Variants in MIPOL1 observed in about 807,000 individuals in gnomAD.
MIPOL1 encodes the protein mirror-image polydactyly gene 1 protein.
A neutral mutation model predicts 60.9 loss-of-function variants in MIPOL1; 57 were observed. The observed-to-expected ratio is 0.94, with a 90% CI of 0.76 to 1.17. MIPOL1 has a LOEUF of 1.17. Ranked by LOEUF, MIPOL1 falls within the 50% of genes most tolerant of loss-of-function variation. The pLI, the probability that MIPOL1 is intolerant of heterozygous loss-of-function variation, is 0.00. For synonymous variants in MIPOL1, 179 were observed against 168.8 expected (o/e 1.06, Z -0.47); for missense variants, 551 against 511.6 (o/e 1.08, Z -0.74).
chr14:37,262,130 C>T (rs2082554831), intron 3 of MIPOL1, among the ~76,000 whole-genome samples: 2 of 151,796 alleles, frequency 1.3e-5, no homozygotes, highest in Admixed American at 6.6e-5. Flanking sequence ...AAAGCTAACC[C>T]TCTATTCCAC....
At chr14:37,490,715 C>A (rs2095035676) in intron 11 of MIPOL1, among the ~76,000 whole-genome samples, 1 of 152,124 alleles carries the variant, frequency 6.6e-6, no homozygotes, top group Non-Finnish European at 1.5e-5. Context: ...AATTTCCTGA[C>A]CCCTTAACAC....
chr14:37,309,614 A>G (rs752891627), intron 9 of MIPOL1, among the ~76,000 whole-genome samples: 1 of 151,430 alleles, frequency 6.6e-6, no homozygotes, highest in Non-Finnish European at 1.5e-5. Context: ...CTGAGTCTCA[A>G]TGTCAAGCTT....
rs144087839 is a variant in MIPOL1 at position 37,475,421 on chromosome 14, T to C, written c.1032-24487T>C. Among the ~76,000 whole-genome samples, 160 of 152,320 alleles carry C rather than the reference T, an allele frequency of 1.1e-3. 3 individuals are homozygous for C. The highest frequency in any genetic ancestry group is 3.6e-3 in the African/African-American group (151 of 41,590). The stretch of plus-strand genomic sequence containing the variant: ...TTTTGTAGCACAGAAATTTTTACTT[T>C]TAATGATGTCCAACTTACCTGTTTT... On this transcript the variant is annotated intron_variant, in intron 11 of 12. Transcript: ENST00000684589.
intron 9 of MIPOL1, among the ~76,000 whole-genome samples, chr14:37,358,470 C>T (rs2091998212): frequency 6.6e-6 from 1 of 152,160 alleles, no homozygotes; most frequent in South Asian, 2.1e-4. Context: ...AAAAGCGTTC[C>T]TATTTCTCCA....
intron 10 of MIPOL1, among the ~76,000 whole-genome samples, chr14:37,416,119 G>A (rs1011189961): frequency 5.3e-5 from 8 of 152,072 alleles, no homozygotes; most frequent in Non-Finnish European, 7.4e-5. Flanking sequence ...AGTCTTATAC[G>A]TCACACATCA....
At chr14:37,204,183 G>A (rs1044175252) in intron 1 of MIPOL1, among the ~76,000 whole-genome samples, 17 of 151,942 alleles carry the variant, frequency 1.1e-4, no homozygotes, top group African/African-American at 3.9e-4. Flanking sequence ...CTGACACTTC[G>A]ATTCCAGCCT....
intron 11 of MIPOL1, among the ~76,000 whole-genome samples, chr14:37,443,148 G>C (rs1298474473): frequency 6.6e-6 from 1 of 152,056 alleles, no homozygotes; most frequent in Non-Finnish European, 1.5e-5. Context: ...AGAATTGGGA[G>C]TCTAGAAATA....
intron 11 of MIPOL1, among the ~76,000 whole-genome samples, chr14:37,490,447 C>A (rs1003388670): frequency 6.6e-6 from 1 of 152,138 alleles, no homozygotes; most frequent in African/African-American, 2.4e-5. Flanking sequence ...GCCCCCTTTC[C>A]AGGGGAGTGA....
intron 9 of MIPOL1, among the ~76,000 whole-genome samples, chr14:37,313,095 A>G (rs1567417758): frequency 6.6e-6 from 1 of 152,068 alleles, no homozygotes. Flanking sequence ...TTCTCTTAAT[A>G]TCTAGCCATT....
At chr14:37,531,957 G>A (rs993199372) in intron 12 of MIPOL1, among the ~76,000 whole-genome samples, 2 of 152,030 alleles carry the variant, frequency 1.3e-5, no homozygotes, top group African/African-American at 2.4e-5. Flanking sequence ...CATGCCCGCC[G>A]TACATTACCC....
intron 6 of MIPOL1, among the ~76,000 whole-genome samples, chr14:37,272,751 A>T (rs1441283541): frequency 6.6e-6 from 1 of 151,652 alleles, no homozygotes; most frequent in South Asian, 2.1e-4. Flanking sequence ...TGAAATAAAA[A>T]GTGTATTTGG....
chr14:37,284,152 G>C (rs952931587), intron 6 of MIPOL1, among the ~76,000 whole-genome samples: 4 of 152,198 alleles, frequency 2.6e-5, no homozygotes, highest in African/African-American at 9.6e-5. Flanking sequence ...GATGCCATTT[G>C]TATTAAAATC....
chr14:37,540,783 C>G (rs2095526626), intron 12 of MIPOL1, among the ~76,000 whole-genome samples: 1 of 152,178 alleles, frequency 6.6e-6, no homozygotes, highest in South Asian at 2.1e-4. Context: ...TTACCAGTAG[C>G]CCACTAGACA....
chr14:37,470,848 G>T (rs969743771), intron 11 of MIPOL1, among the ~76,000 whole-genome samples: 1 of 152,084 alleles, frequency 6.6e-6, no homozygotes, highest in African/African-American at 2.4e-5. Context: ...AGGGAAAAAA[G>T]GCATTTCTAG....
At chr14:37,526,817 G>C (rs1284560002) in intron 12 of MIPOL1, among the ~76,000 whole-genome samples, 1 of 152,064 alleles carries the variant, frequency 6.6e-6, no homozygotes, top group Non-Finnish European at 1.5e-5. Flanking sequence ...TTCAAAAAAT[G>C]TGTGTTCTTT....
intron 11 of MIPOL1, among the ~76,000 whole-genome samples, chr14:37,481,209 G>A (rs900678218): frequency 2.6e-5 from 4 of 151,992 alleles, no homozygotes; most frequent in South Asian, 2.1e-4. Context: ...GAAATCCATA[G>A]CACTTCTATG....
At chr14:37,223,193 TG>T (rs1388860859) in intron 1 of MIPOL1, among the ~76,000 whole-genome samples, 1 of 151,208 alleles carries the variant, frequency 6.6e-6, no homozygotes, top group African/African-American at 2.4e-5. Context: ...CCACCACACC[TG>T]GCTGGTTTTT....
chr14:37,458,070 AG>A (rs1447805463), intron 11 of MIPOL1, among the ~76,000 whole-genome samples: 2 of 152,066 alleles, frequency 1.3e-5, no homozygotes, highest in African/African-American at 2.4e-5. Context: ...AATCAAAAAC[AG>A]TAAAAAAAAA....
intron 1 of MIPOL1, among the ~76,000 whole-genome samples, chr14:37,205,177 C>A (rs936395304): frequency 2.6e-5 from 4 of 151,414 alleles, no homozygotes; most frequent in Non-Finnish European, 2.9e-5. Flanking sequence ...GATCTCAGTT[C>A]ACTGCAACCT....
Sources: gnomAD v4.1 joint callset for allele counts (sites outside exome capture counted in the v4.1 genomes callset) on GRCh38, gnomAD v4.1.1 for gene constraint, MANE v1.5 for transcripts, NCBI Gene and HGNC (gene_info 2026-07-23, HGNC 2026-07-21) for gene names.